Variants in SLC35H1 observed in about 807,000 individuals in gnomAD.
SLC35H1 encodes ovarian cancer-overexpressed gene 1 protein.
At chr20:46,358,940 G>A in the SLC35H1 span, 1 of 615,060 alleles carries the variant, frequency 1.6e-6, no homozygotes, top group Non-Finnish European at 2.9e-6. Flanking sequence ...TATTCTCCAT[G>A]AACTGCCACC....
the SLC35H1 span, chr20:46,348,583 C>G: frequency 6.6e-6 from 1 of 152,262 alleles, no homozygotes; most frequent in Admixed American, 6.5e-5. Flanking sequence ...CTTCCAAGCG[C>G]CCTTGGTGCT....
chr20:46,350,748 G>C, the SLC35H1 span: 1 of 1,613,708 alleles, frequency 6.2e-7, no homozygotes, highest in Non-Finnish European at 8.5e-7. Context: ...TTCTGGAAGG[G>C]ACTCTGGGTT....
chr20:46,363,336 C>T, the SLC35H1 span, among the ~76,000 whole-genome samples: 1 of 152,204 alleles, frequency 6.6e-6, no homozygotes, highest in Admixed American at 6.5e-5. Flanking sequence ...AAATTCTTTA[C>T]ATCAGCCCTG....
At chr20:46,359,157 T>G in the SLC35H1 span, among the ~76,000 whole-genome samples, 1 of 152,164 alleles carries the variant, frequency 6.6e-6, no homozygotes, top group African/African-American at 2.4e-5. Context: ...ACACACCAGC[T>G]TTCTTCCCGT....
chr20:46,357,793 G>A, the SLC35H1 span: 1 of 1,613,442 alleles, frequency 6.2e-7, no homozygotes, highest in Non-Finnish European at 8.5e-7. Flanking sequence ...GCCCAAAGCA[G>A]ACACCCCGGC....
chr20:46,354,357 A>G, the SLC35H1 span, among the ~76,000 whole-genome samples: 24 of 151,986 alleles, frequency 1.6e-4, no homozygotes, highest in Non-Finnish European at 2.8e-4. Context: ...CCTCCAAACC[A>G]CGGCCTGGGA....
the SLC35H1 span, among the ~76,000 whole-genome samples, chr20:46,357,057 G>A: frequency 2.0e-5 from 3 of 152,098 alleles, no homozygotes; most frequent in African/African-American, 4.8e-5. Context: ...GGCCAGCACC[G>A]GGTTCTCAGT....
chr20:46,361,189 C>G, the SLC35H1 span, among the ~76,000 whole-genome samples: 2 of 152,314 alleles, frequency 1.3e-5, no homozygotes, highest in African/African-American at 4.8e-5. Flanking sequence ...ACCCCCATTT[C>G]ATCCAAGCCT....
At chr20:46,360,647 C>G in the SLC35H1 span, among the ~76,000 whole-genome samples, 1 of 152,064 alleles carries the variant, frequency 6.6e-6, no homozygotes, top group Admixed American at 6.6e-5. Flanking sequence ...CAGGTTCAAG[C>G]GATTCTCCTG....
chr20:46,352,177 C>T, the SLC35H1 span: 1 of 1,614,190 alleles, frequency 6.2e-7, no homozygotes, highest in Non-Finnish European at 8.5e-7. Context: ...GCAGGAGCAG[C>T]CCTGTGTCCT....
chr20:46,354,949 G>A, the SLC35H1 span: 20 of 1,613,942 alleles, frequency 1.2e-5, no homozygotes, highest in East Asian at 4.5e-5. Flanking sequence ...ACATGGTGTC[G>A]ATGGGATTCT....
chr20:46,355,297 C>G, the SLC35H1 span: 5 of 1,545,938 alleles, frequency 3.2e-6, no homozygotes, highest in Admixed American at 2.0e-5. The surrounding 1 kb of genome is among the most constrained non-coding windows in gnomAD (Gnocchi z 4.8). Context: ...GTCAAGGGTT[C>G]ATCACATTTG....
At chr20:46,350,316 G>C in the SLC35H1 span, 1 of 1,502,386 alleles carries the variant, frequency 6.7e-7, no homozygotes, top group Non-Finnish European at 9.0e-7. Context: ...ACCATGATGA[G>C]CCCTGGCGGC....
the SLC35H1 span, chr20:46,350,710 C>A: frequency 8.1e-6 from 13 of 1,597,648 alleles, no homozygotes; most frequent in African/African-American, 1.3e-5. Context: ...CACTAAGAGT[C>A]ACAGGGAGAA....
the SLC35H1 span, among the ~76,000 whole-genome samples, chr20:46,359,680 T>C: frequency 6.6e-6 from 1 of 152,178 alleles, no homozygotes; most frequent in South Asian, 2.1e-4. Context: ...GCCCGGAGCA[T>C]GCCGGGTAGA....
chr20:46,355,988 T>C, the SLC35H1 span: 1 of 1,481,794 alleles, frequency 6.7e-7, no homozygotes, highest in Non-Finnish European at 9.1e-7. This position sits in a 1 kb window ranked among gnomAD's most constrained non-coding sequence, Gnocchi z 4.8. Flanking sequence ...AGCTGGGCTG[T>C]CATCTGAGTG....
the SLC35H1 span, among the ~76,000 whole-genome samples, chr20:46,362,378 A>C: frequency 6.6e-6 from 1 of 152,296 alleles, no homozygotes; most frequent in African/African-American, 2.4e-5. Context: ...CATCAAGGTA[A>C]GGCTGGCTGG....
chr20:46,352,500 A>G, the SLC35H1 span: 1 of 392,088 alleles, frequency 2.6e-6, no homozygotes, highest in African/African-American at 2.0e-5. Context: ...TAGCGGGATG[A>G]TGGGACCCTA....
At chr20:46,351,880 CAGA>C in the SLC35H1 span, among the ~76,000 whole-genome samples, 1 of 152,318 alleles carries the variant, frequency 6.6e-6, no homozygotes, top group South Asian at 2.1e-4. Flanking sequence ...GTGGTCAAGG[CAGA>C]AGGAGGGGCC....
Sources: allele counts gnomAD v4.1 joint callset (sites outside exome capture counted in the v4.1 genomes callset), GRCh38; gene constraint gnomAD v4.1.1; non-coding constraint Gnocchi (gnomAD v3.1); transcripts MANE v1.5; gene names NCBI Gene and HGNC (gene_info 2026-07-23, HGNC 2026-07-21).